Variants in GSE1 observed in about 807,000 individuals in gnomAD.
The protein encoded by GSE1 is genetic suppressor element 1.
A neutral mutation model predicts 112.6 loss-of-function variants in GSE1; 32 were observed. The ratio of observed to expected loss-of-function variants is 0.28; its 90% CI spans 0.21 to 0.38. The LOEUF is 0.38. Ranked by LOEUF, GSE1 falls within the 10% of genes least tolerant of loss-of-function variation. The pLI, the probability that GSE1 is intolerant of heterozygous loss-of-function variation, is 1.00. For missense variants in GSE1, 2,348 were observed against 1,699.2 expected (o/e 1.38, Z -6.71); for synonymous variants, 1,115 against 735.6 (o/e 1.52, Z -8.35).
intron 2 of GSE1, among the ~76,000 whole-genome samples, chr16:85,360,661 C>G (rs555407024): frequency 6.6e-6 from 1 of 152,152 alleles, no homozygotes; most frequent in African/African-American, 2.4e-5. Context: ...CACGTCCAGA[C>G]ATGCAGACGC....
At chr16:85,357,606 C>T (rs747695362) in exon 2 of GSE1, 1 of 1,289,036 alleles carries the variant, frequency 7.8e-7, no homozygotes, top group Non-Finnish European at 1.0e-6. Flanking sequence ...GTCTGCAGAG[C>T]AGCCGGGAGG....
intron 2 of GSE1, among the ~76,000 whole-genome samples, chr16:85,468,187 G>A (rs931615185): frequency 3.3e-5 from 2 of 60,890 alleles, no homozygotes. Context: ...ACAAGAAGGT[G>A]GGAAAGCCCT....
intron 2 of GSE1, among the ~76,000 whole-genome samples, chr16:85,536,767 G>A (rs2044342812): frequency 6.6e-6 from 1 of 152,224 alleles, no homozygotes; most frequent in African/African-American, 2.4e-5. Context: ...GGAGGGAAGA[G>A]GTGCCCGGGG....
chr16:85,270,898 C>G (rs952132644), intron 1 of GSE1, among the ~76,000 whole-genome samples: 1 of 152,132 alleles, frequency 6.6e-6, no homozygotes, highest in African/African-American at 2.4e-5. Flanking sequence ...AGAAGGCACC[C>G]GGTGCAGGCA....
chr16:85,332,813 C>T (rs1208533709), intron 1 of GSE1, among the ~76,000 whole-genome samples: 1 of 152,140 alleles, frequency 6.6e-6, no homozygotes, highest in African/African-American at 2.4e-5. Flanking sequence ...AGAGTCATTG[C>T]TTGTCTTTTG....
At chr16:85,627,581 C>T (rs571741314) in intron 1 of GSE1, among the ~76,000 whole-genome samples, 17 of 152,166 alleles carry the variant, frequency 1.1e-4, no homozygotes, top group South Asian at 2.1e-4. Flanking sequence ...GTGGGGGCCT[C>T]GCAGACCTGG....
At chr16:85,288,206 C>T (rs774692084) in intron 1 of GSE1, among the ~76,000 whole-genome samples, 3 of 152,150 alleles carry the variant, frequency 2.0e-5, no homozygotes, top group Non-Finnish European at 4.4e-5. Context: ...CGCCATTGCA[C>T]TCCAGCCTGG....
chr16:85,402,114 C>T (rs766021391), intron 2 of GSE1, among the ~76,000 whole-genome samples: 1 of 152,244 alleles, frequency 6.6e-6, no homozygotes, highest in Non-Finnish European at 1.5e-5. Context: ...GAGAGGGTAG[C>T]ATCCTGTGCC....
chr16:85,216,156 A>G (rs1341303679), intron 1 of GSE1, among the ~76,000 whole-genome samples: 1 of 152,180 alleles, frequency 6.6e-6, no homozygotes, highest in Non-Finnish European at 1.5e-5. Flanking sequence ...TTCCACCATC[A>G]TTCCGACCCC....
chr16:85,469,640 C>G (rs1293799135), intron 2 of GSE1, among the ~76,000 whole-genome samples: 1 of 152,208 alleles, frequency 6.6e-6, no homozygotes, highest in Non-Finnish European at 1.5e-5. Flanking sequence ...CTCTGAGGCC[C>G]CCAGTACTGT....
intron 1 of GSE1, among the ~76,000 whole-genome samples, chr16:85,585,286 C>T (rs2046639310): frequency 6.6e-6 from 1 of 152,204 alleles, no homozygotes; most frequent in Non-Finnish European, 1.5e-5. Flanking sequence ...TCCCCAAGGG[C>T]TCCAGGAACC....
chr16:85,605,490 C>G (rs1415256967), intron 1 of GSE1, among the ~76,000 whole-genome samples: 4 of 152,110 alleles, frequency 2.6e-5, no homozygotes, highest in Non-Finnish European at 5.9e-5. Flanking sequence ...GCTCCAGCTT[C>G]GTCCCAGGCA....
At chr16:85,584,662 C>T (rs991487197) in intron 1 of GSE1, among the ~76,000 whole-genome samples, 4 of 152,124 alleles carry the variant, frequency 2.6e-5, no homozygotes, top group African/African-American at 9.7e-5. Context: ...CTTGGTACTG[C>T]TTTTCCGTTC....
intron 1 of GSE1, among the ~76,000 whole-genome samples, chr16:85,288,951 G>GCAGGGAGGGGAGGT (rs1472283367): frequency 2.0e-5 from 3 of 152,202 alleles, no homozygotes; most frequent in African/African-American, 7.2e-5. Flanking sequence ...CTAGGACACT[G>GCAGGGAGGGGAGGT]CAGGGAGGGG....
At chr16:85,307,964 G>C (rs1375962989) in intron 1 of GSE1, among the ~76,000 whole-genome samples, 1 of 152,194 alleles carries the variant, frequency 6.6e-6, no homozygotes, top group African/African-American at 2.4e-5. Flanking sequence ...ATTCAGCTGT[G>C]AAGCTGATAG....
At chr16:85,670,772 C>G (rs550496836) in intron 14 of GSE1, 22 of 344,942 alleles carry the variant, frequency 6.4e-5, no homozygotes, top group African/African-American at 3.6e-4. Flanking sequence ...GTCCTGGATC[C>G]TTTGTCTTTA....
upstream of GSE1, among the ~76,000 whole-genome samples, chr16:85,553,141 G>T (rs1215452675): frequency 6.7e-6 from 1 of 149,792 alleles, no homozygotes; most frequent in Non-Finnish European, 1.5e-5. Context: ...GCCGCCCCCC[G>T]CCCCGCCCCC....
exon 1 of GSE1, chr16:85,556,244 G>A: frequency 1.0e-6 from 1 of 984,526 alleles, no homozygotes; most frequent in Non-Finnish European, 1.2e-6. Context: ...TGGCTTGAAC[G>A]GTGCTTTTTG....
At chr16:85,527,113 T>C (rs2052388180) in intron 2 of GSE1, among the ~76,000 whole-genome samples, 1 of 152,044 alleles carries the variant, frequency 6.6e-6, no homozygotes, top group Non-Finnish European at 1.5e-5. Flanking sequence ...GCGCCCCACC[T>C]CCTCTGTCTT....
Sources: allele counts gnomAD v4.1 joint callset (sites outside exome capture counted in the v4.1 genomes callset), GRCh38; gene constraint gnomAD v4.1.1; transcripts MANE v1.5; gene names NCBI Gene and HGNC (gene_info 2026-07-23, HGNC 2026-07-21).